Variants in KCTD1 observed in about 807,000 individuals in gnomAD.
The protein encoded by KCTD1 is BTB/POZ domain-containing protein KCTD1.
A neutral mutation model predicts 66.0 loss-of-function variants in KCTD1; 24 were observed. The ratio of observed to expected loss-of-function variants is 0.36; its 90% CI spans 0.26 to 0.51. KCTD1 has a LOEUF of 0.51. Ranked by LOEUF, KCTD1 falls within the 20% of genes least tolerant of loss-of-function variation. The pLI is 0.95. For missense variants in KCTD1, 943 were observed against 1,205.2 expected, an observed-to-expected ratio of 0.78 and a Z score of 3.22; for synonymous variants, 511 against 517.2, an observed-to-expected ratio of 0.99 and a Z score of 0.16.
chr18:26,502,877 A>G (rs1311947194), intron 1 of KCTD1, among the ~76,000 whole-genome samples: 1 of 152,238 alleles, frequency 6.6e-6, no homozygotes, highest in African/African-American at 2.4e-5. Flanking sequence ...TGTGCATAAA[A>G]TGCAGCATGA....
At chr18:26,479,904 A>T (rs540663468) in intron 2 of KCTD1, among the ~76,000 whole-genome samples, 1 of 152,218 alleles carries the variant, frequency 6.6e-6, no homozygotes, top group South Asian at 2.1e-4. Context: ...TTACAAATCA[A>T]ACTGCAGTGA....
intron 2 of KCTD1, among the ~76,000 whole-genome samples, chr18:26,478,347 AGTCT>A (rs1981454230): frequency 6.6e-6 from 1 of 152,228 alleles, no homozygotes; most frequent in Non-Finnish European, 1.5e-5. Context: ...ATTTGTGCAC[AGTCT>A]GTCTGGTCCT....
chr18:26,501,047 C>A, intron 2 of KCTD1, 25 bp downstream of exon 2: 1 of 1,608,362 alleles, frequency 6.2e-7, no homozygotes, highest in South Asian at 1.1e-5. Flanking sequence ...ACGTCGGAGT[C>A]TGATTTTTCA....
At chr18:26,532,596 AC>A (rs984413583) in intron 1 of KCTD1, among the ~76,000 whole-genome samples, 3 of 151,878 alleles carry the variant, frequency 2.0e-5, no homozygotes, top group African/African-American at 7.3e-5. Context: ...AGAATCTGCT[AC>A]TCACCTTCTC....
chr18:26,538,881 C>G (rs968870222), intron 1 of KCTD1, among the ~76,000 whole-genome samples: 9 of 152,130 alleles, frequency 5.9e-5, no homozygotes, highest in African/African-American at 2.2e-4. Context: ...AATGAGGTTG[C>G]TCCAAATCCC....
chr18:26,618,044 C>A (rs1334119783), intron 1 of KCTD1, among the ~76,000 whole-genome samples: 3 of 149,018 alleles, frequency 2.0e-5, no homozygotes, highest in Non-Finnish European at 4.4e-5. Flanking sequence ...GTTACGAAGG[C>A]AGTGTTAATG....
intron 1 of KCTD1, among the ~76,000 whole-genome samples, chr18:26,634,763 A>G (rs186863304): frequency 9.9e-5 from 15 of 152,270 alleles, no homozygotes; most frequent in African/African-American, 3.4e-4. Flanking sequence ...AGCCCTCTCT[A>G]TTTTACGGAG....
intron 1 of KCTD1, among the ~76,000 whole-genome samples, chr18:26,617,930 A>G (rs1987293453): frequency 1.5e-5 from 2 of 132,214 alleles, no homozygotes; most frequent in Admixed American, 7.9e-5. Context: ...AAAAGAAGGA[A>G]AAAAAAAAAA....
chr18:26,501,269 G>A lies in KCTD1; in HGVS notation c.1810-19C>T, dbSNP rs201430370. 1.2e-6 allele frequency: 2 copies of A among 1,604,122 alleles called. No homozygotes were observed. The highest frequency in any genetic ancestry group is 1.7e-6 in the Non-Finnish European group (2 of 1,173,026). ...GACTGTCCTACAGAGAGATAAGCAAGTTTAGATACTTTTTCTCTTTACAGT... is the reference window on the plus strand; with the variant it reads ...GACTGTCCTACAGAGAGATAAGCAAATTTAGATACTTTTTCTCTTTACAGT... On this transcript the variant is annotated intron_variant, in intron 1 of 4. Coordinates refer to ENST00000580059, the MANE Select transcript of KCTD1 (RefSeq NM_001142730.3).
At chr18:26,512,267 CT>C (rs1983374847) in intron 1 of KCTD1, among the ~76,000 whole-genome samples, 1 of 151,988 alleles carries the variant, frequency 6.6e-6, no homozygotes, top group Admixed American at 6.6e-5. Flanking sequence ...CCACACCCAG[CT>C]AATTTTTTTA....
At chr18:26,630,460 C>T (rs1486179838), upstream of KCTD1, among the ~76,000 whole-genome samples, 1 of 152,020 alleles carries the variant, frequency 6.6e-6, no homozygotes, top group Non-Finnish European at 1.5e-5. Context: ...GGACTATAGG[C>T]ATGCCACCAT....
intron 1 of KCTD1, among the ~76,000 whole-genome samples, chr18:26,505,615 G>A (rs1343050235): frequency 1.3e-5 from 2 of 151,858 alleles, no homozygotes; most frequent in African/African-American, 2.4e-5. Context: ...GCAGTGCAGT[G>A]GCGCAATCAT....
At chr18:26,492,071 G>A (rs7231839) in intron 2 of KCTD1, among the ~76,000 whole-genome samples, 7,665 of 152,078 alleles carry the variant, frequency 0.05, 467 homozygotes, top group African/African-American at 0.14. Context: ...GTGAGACCTC[G>A]TCTCTACAAA....
At chr18:26,501,886 G>A (rs539005026) in intron 1 of KCTD1, among the ~76,000 whole-genome samples, 71 of 152,300 alleles carry the variant, frequency 4.7e-4, no homozygotes, top group African/African-American at 1.7e-3. Context: ...AACCACAAGC[G>A]AACTGCTCTT....
At chr18:26,491,700 C>T (rs181313346) in intron 2 of KCTD1, among the ~76,000 whole-genome samples, 86 of 152,226 alleles carry the variant, frequency 5.6e-4, no homozygotes, top group Non-Finnish European at 1.1e-3. Flanking sequence ...CTGGCTTCCT[C>T]GGGGGCTGAA....
intron 1 of KCTD1, among the ~76,000 whole-genome samples, chr18:26,654,491 T>C (rs551649050): frequency 3.3e-5 from 5 of 152,240 alleles, no homozygotes; most frequent in African/African-American, 1.2e-4. Context: ...ACCCCTACTA[T>C]GCAAGCCCTG....
intron 1 of KCTD1, among the ~76,000 whole-genome samples, chr18:26,615,780 G>A (rs1165959649): frequency 6.6e-6 from 1 of 152,152 alleles, no homozygotes; most frequent in Non-Finnish European, 1.5e-5. Flanking sequence ...CTAGCTATAG[G>A]AATTGGGATC....
chr18:26,573,991 C>G (rs2144903604), intron 1 of KCTD1, among the ~76,000 whole-genome samples: 1 of 152,118 alleles, frequency 6.6e-6, no homozygotes, highest in Admixed American at 6.5e-5. Context: ...CAAAAGACCC[C>G]CCAGGTTTCC....
Position 26,476,881 on chromosome 18 carries a change from G to C in KCTD1, c.1989-222C>G. The C allele has an allele frequency of 2.1e-6, 1 of 474,146 alleles. No homozygotes were observed. The highest frequency in any genetic ancestry group is 3.2e-5 in the South Asian group (1 of 31,698). The allele number at this position is 474,146 out of a possible 1,614,324, so 29.4% of individuals were successfully genotyped here. A position where few individuals can be genotyped will look rare whatever the true frequency, so the allele number is the denominator to read the frequency against. On this transcript the variant is annotated intron_variant, in intron 2 of 4. Coordinates refer to ENST00000580059, the MANE Select transcript of KCTD1 (RefSeq NM_001142730.3). This position sits in a 1 kb window ranked among gnomAD's most constrained non-coding sequence, Gnocchi z 4.9. ...TGTCAAATGAATTCTTTTATTCACT[G>C]TCTTTCACCTGCAAAGAAAATGTTC...
Sources: gnomAD v4.1 joint callset for allele counts (sites outside exome capture counted in the v4.1 genomes callset) on GRCh38, gnomAD v4.1.1 for gene constraint, Gnocchi (gnomAD v3.1) non-coding constraint, MANE v1.5 for transcripts, NCBI Gene and HGNC (gene_info 2026-07-23, HGNC 2026-07-21) for gene names.